The following SPTBN2 variants were observed in gnomAD, a reference collection of about 807,000 sequenced individuals.
The protein encoded by SPTBN2 is spectrin beta, non-erythrocytic 2, also known as spectrin beta chain, non-erythrocytic 2.
Under a neutral mutation model 284.2 loss-of-function variants are expected in SPTBN2, and 107 were observed. The observed-to-expected ratio is 0.38, with a 90% CI of 0.32 to 0.44. The LOEUF (loss-of-function observed/expected upper bound fraction) is 0.44. SPTBN2 is among the 20% of genes least tolerant of loss of function. The pLI is 1.00. For missense variants in SPTBN2, 2,569 were observed against 3,287.1 expected (o/e 0.78, Z 5.34); for synonymous variants, 1,289 against 1,354.8 (o/e 0.95, Z 1.07).
chr11:66,698,518 TG>T, intron 20 of SPTBN2, 120 bp downstream of exon 20: 2 of 1,457,090 alleles, frequency 1.4e-6, no homozygotes, highest in Non-Finnish European at 1.9e-6. Flanking sequence ...CTTTCCACCA[TG>T]GAGCTGTGGC....
chr11:66,699,440 T>G lies in SPTBN2; in HGVS notation c.3742A>C (p.Lys1248Gln). 6.2e-7 allele frequency: 1 copy of G among 1,614,128 alleles called. No individual in the cohort carries two copies. The highest frequency in any genetic ancestry group is 8.5e-7 in the Non-Finnish European group (1 of 1,180,016). Reference protein sequence around the residue: ...LVSEGNIHADKIREKADSIER... With the variant: ...LVSEGNIHADQIREKADSIER... ...ATGGAGTCTGCCTTTTCCCGAATCT[T>G]GTCGGCGTGGATGTTGCCTTCAGAT... The change falls in exon 18 of 38, where the codon AAG becomes CAG. Residue 1248 changes from lysine (K) to glutamine (Q), a missense_variant. By Grantham distance (53) the Lys-to-Gln change is moderately conservative. Transcript: ENST00000533211.
rs2135345174 is a variant in SPTBN2 at position 66,691,801 on chromosome 11, T to G, written c.5191-143A>C. On this transcript the variant is annotated intron_variant, in intron 26 of 37. Coordinates refer to ENST00000533211, the MANE Select transcript of SPTBN2 (RefSeq NM_006946.4). The surrounding 1 kb of genome is among the most constrained non-coding windows in gnomAD (Gnocchi z 8.0). Reference sequence around the variant, plus strand: ...CCGGGACAGGTTTCTTCCCTGTGGTTAAGGAGTAGGTGCAGCTGCTTCCCA... The same window carrying G: ...CCGGGACAGGTTTCTTCCCTGTGGTGAAGGAGTAGGTGCAGCTGCTTCCCA... The G allele has an allele frequency of 8.0e-7, 1 of 1,244,838 alleles. No individual in the cohort carries two copies. Among genetic ancestry groups the G allele is most frequent in the South Asian group, 1.3e-5 (1 of 77,796 alleles). 77.1% of individuals were successfully genotyped at this position (1,244,838 alleles called of 1,614,324 possible). A position where few individuals can be genotyped will look rare whatever the true frequency, so the allele number is the denominator to read the frequency against.
rs200132890 is a variant in SPTBN2, at chr11:66,710,573, G to T, written c.1073+9C>A. On this transcript the variant is annotated intron_variant, in intron 10 of 37. Transcript: ENST00000533211. The surrounding 1 kb of genome is among the most constrained non-coding windows in gnomAD (Gnocchi z 4.9). ...GCTCAGGGAAGGGTGGGGCCCCAGG[G>T]ACACCTACTTGGGCGGCTTCTCCAC... is the stretch of plus-strand genomic sequence containing the variant. 1 of 1,612,902 alleles carries T rather than the reference G, an allele frequency of 6.2e-7. No homozygotes were observed. Among genetic ancestry groups the T allele is most frequent in the Non-Finnish European group, 8.5e-7 (1 of 1,179,546 alleles).
In SPTBN2 at chr11:66,684,016, C is replaced by T. The variant is rs574670700; in HGVS notation, c.*1855G>A. ...TACCCATCTTAAGGGGGAAATTATC[C>T]TGCAGGCTCTCTGGTCTACCGGTTT... On this transcript the variant is annotated 3_prime_UTR_variant, in exon 38 of 38. Coordinates refer to ENST00000533211, the MANE Select transcript of SPTBN2 (RefSeq NM_006946.4). Among the ~76,000 whole-genome samples the T allele has an allele frequency of 2.6e-5, 4 of 152,334 alleles. No homozygotes were observed. The East Asian group carries it at 5.8e-4, about 22-fold the overall frequency.
chr11:66,698,768 G>A lies in SPTBN2; in HGVS notation c.3885C>T (p.Asp1295=), dbSNP rs146526805. Residue 1295 remains aspartate (D), a synonymous_variant, in exon 20 of 38, where the codon GAC becomes GAT. Coordinates refer to ENST00000533211, the MANE Select transcript of SPTBN2 (RefSeq NM_006946.4). The part of the protein sequence containing the change: ...QDCHELKLWI[D]EKMLTAQDVS... ...CGTCCTGGGCTGTCAGCATCTTCTCGTCGATCCAGAGCTTCAGCTGGACCA... is the reference window on the plus strand; with the variant it reads ...CGTCCTGGGCTGTCAGCATCTTCTCATCGATCCAGAGCTTCAGCTGGACCA... 3.2e-4 allele frequency: 509 copies of A among 1,613,860 alleles called. 2 individuals carry two copies. Among genetic ancestry groups the A allele is most frequent in the South Asian group, 3.0e-4 (27 of 91,074 alleles).
intron 1 of SPTBN2, among the ~76,000 whole-genome samples, chr11:66,735,437 T>C (rs1472402419): frequency 6.6e-6 from 1 of 152,018 alleles, no homozygotes; most frequent in African/African-American, 2.4e-5. Context: ...CGGCTGGGCA[T>C]GGTGGCTCAC....
rs1249941619 is a variant in SPTBN2, at chr11:66,715,744, C to A, written c.309+86G>T. The A allele has an allele frequency of 6.4e-7, 1 of 1,559,318 alleles. No homozygotes were observed. The highest frequency in any genetic ancestry group is 8.7e-7 in the Non-Finnish European group (1 of 1,149,996). ...GCCACTGCTTCCCGCCCTGTGCCGT[C>A]ACTCTCTCTGAGGGCTGTTCTTCCA... is the stretch of plus-strand genomic sequence containing the variant. On this transcript the variant is annotated intron_variant, in intron 4 of 37. Coordinates refer to ENST00000533211, the MANE Select transcript of SPTBN2 (RefSeq NM_006946.4). The surrounding 1 kb of genome is among the most constrained non-coding windows in gnomAD (Gnocchi z 5.3).
rs933907173 is a variant in SPTBN2, at chr11:66,727,710, G to A, written c.-114+1031C>T. ...AGCGCGTGGAGCCAGCTGCCAAAGA[G>A]GCGAGGAGGAGCCCACGCGGCTCCG... On this transcript the variant is annotated intron_variant, in intron 1 of 37. Transcript: ENST00000533211. Among the ~76,000 whole-genome samples the A allele has an allele frequency of 3.2e-4, 48 of 152,172 alleles. 1 individual carries two copies. The Middle Eastern group carries it at 0.017, about 54-fold the overall frequency.
In SPTBN2 at chr11:66,699,099, T is replaced by C; in HGVS notation, c.3777-17A>G. ...TTCTTGTGCCTGGAACGACACCCTCTTGTGAAACTCTGGAATTTGCTGTGA... is the reference window on the plus strand; with the variant it reads ...TTCTTGTGCCTGGAACGACACCCTCCTGTGAAACTCTGGAATTTGCTGTGA... On this transcript the variant is annotated splice_polypyrimidine_tract_variant and intron_variant, in intron 18 of 37. Transcript: ENST00000533211. 1 of 1,614,138 alleles carries C rather than the reference T, an allele frequency of 6.2e-7. No homozygotes were observed.
At chr11:66,703,547 A>G (rs1406748358) in intron 15 of SPTBN2, among the ~76,000 whole-genome samples, 1 of 152,110 alleles carries the variant, frequency 6.6e-6, no homozygotes, top group Non-Finnish European at 1.5e-5. Flanking sequence ...CCTCGCTAAC[A>G]TGGTGAAACC....
chr11:66,693,237 C>T lies in SPTBN2; in HGVS notation c.4803G>A (p.Glu1601=). 7 of 1,614,228 alleles carry T rather than the reference C, an allele frequency of 4.3e-6. No homozygotes were observed. Among genetic ancestry groups the T allele is most frequent in the Non-Finnish European group, 5.1e-6 (6 of 1,180,046 alleles). The change falls in exon 24 of 38, where the codon GAG becomes GAA. Residue 1601 remains glutamate (E), a synonymous_variant. Coordinates refer to ENST00000533211, the MANE Select transcript of SPTBN2 (RefSeq NM_006946.4). This position sits in a 1 kb window ranked among gnomAD's most constrained non-coding sequence, Gnocchi z 5.7. ...QQFYRDAAEA[E]AWMGEQELHM... ...GTAATTCCTGCTCGCCCATCCAGGC[C>T]TCCGCCTCGGCGGCATCGCGGTAGA...
rs894317400 is a variant in SPTBN2 at position 66,684,178 on chromosome 11, G to A, written c.*1693C>T. ...TTCCTGGAAAAACGGTTGTCTGTGTGTATAGGAAACAATGAAAGAACACGC... is the reference window on the plus strand; with the variant it reads ...TTCCTGGAAAAACGGTTGTCTGTGTATATAGGAAACAATGAAAGAACACGC... On this transcript the variant is annotated 3_prime_UTR_variant, in exon 38 of 38. Coordinates refer to ENST00000533211, the MANE Select transcript of SPTBN2 (RefSeq NM_006946.4). 2.0e-5 allele frequency among the ~76,000 whole-genome samples: 3 copies of A among 152,206 alleles called. No individual in the cohort carries two copies. Among genetic ancestry groups the A allele is most frequent in the Non-Finnish European group, 4.4e-5 (3 of 68,046 alleles).
chr11:66,724,463 T>C (rs1238051952), intron 1 of SPTBN2, among the ~76,000 whole-genome samples: 1 of 152,088 alleles, frequency 6.6e-6, no homozygotes, highest in African/African-American at 2.4e-5. Flanking sequence ...TAGATGGGTC[T>C]ACAGACTCAG....
intron 20 of SPTBN2, among the ~76,000 whole-genome samples, chr11:66,697,097 C>T (rs988445974): frequency 1.3e-5 from 2 of 152,174 alleles, no homozygotes; most frequent in African/African-American, 4.8e-5. Flanking sequence ...GATAAACACA[C>T]AGCATCCTTG....
chr11:66,735,528 T>C (rs533818423), intron 1 of SPTBN2, among the ~76,000 whole-genome samples: 5 of 151,900 alleles, frequency 3.3e-5, no homozygotes, highest in African/African-American at 1.2e-4. Context: ...TGTGCAATAA[T>C]AGTGAGACCT....
At chr11:66,689,306 CTCTTA>C (rs2135321126) in intron 29 of SPTBN2, 126 bp from the exon 30 acceptor site, 1 of 1,058,208 alleles carries the variant, frequency 9.4e-7, no homozygotes, top group East Asian at 2.6e-5. Context: ...CGGAGTTTCG[CTCTTA>C]TCACCAAGGC....
chr11:66,725,789 G>T (rs1942599156), intron 1 of SPTBN2, among the ~76,000 whole-genome samples: 1 of 152,176 alleles, frequency 6.6e-6, no homozygotes, highest in Non-Finnish European at 1.5e-5. Flanking sequence ...GGCAGACTAG[G>T]CTCACCGTGC....
chr11:66,742,106 GCCACC>G (rs1942899527), intron 1 of SPTBN2, among the ~76,000 whole-genome samples: 1 of 152,198 alleles, frequency 6.6e-6, no homozygotes, highest in Admixed American at 6.5e-5. Context: ...ACAAGCATGA[GCCACC>G]ATGCCTGATT....
intron 1 of SPTBN2, among the ~76,000 whole-genome samples, chr11:66,722,875 AGAGT>A (rs957847224): frequency 3.5e-5 from 5 of 143,594 alleles, no homozygotes; most frequent in African/African-American, 7.8e-5. Flanking sequence ...CCTGCGAGAG[AGAGT>A]GAGATTCTGC....
Sources: gnomAD v4.1 joint callset for allele counts (sites outside exome capture counted in the v4.1 genomes callset) on GRCh38, gnomAD v4.1.1 for gene constraint, Gnocchi (gnomAD v3.1) non-coding constraint, MANE v1.5 for transcripts, NCBI Gene and HGNC (gene_info 2026-07-23, HGNC 2026-07-21) for gene names.